The following PITPNC1 variants were observed in gnomAD, a reference collection of about 807,000 sequenced individuals.
PITPNC1 encodes phosphatidylinositol transfer protein cytoplasmic 1.
In PITPNC1, 18 loss-of-function variants were observed where a neutral mutation model predicts 44.7. The observed-to-expected ratio is 0.40, with a 90% CI of 0.28 to 0.60. The LOEUF is 0.60. Among genes scored for constraint, PITPNC1 ranks in the 20% least tolerant of loss-of-function variants. PITPNC1 has a pLI of 0.39. For missense variants in PITPNC1, 290 were observed against 418.4 expected (o/e 0.69, Z 2.68); for synonymous variants, 141 against 149.6 (o/e 0.94, Z 0.42).
chr17:67,663,429 G>C (rs756945850), intron 6 of PITPNC1, among the ~76,000 whole-genome samples: 57 of 152,178 alleles, frequency 3.7e-4, no homozygotes, highest in Admixed American at 2.7e-3. Flanking sequence ...AATTAGCCGG[G>C]CATGGTGGCA....
At chr17:67,503,408 A>G (rs17654651) in intron 1 of PITPNC1, among the ~76,000 whole-genome samples, 7,682 of 152,248 alleles carry the variant, frequency 0.05, 258 homozygotes, top group Middle Eastern at 0.11. Flanking sequence ...AGAGCTGGCA[A>G]TAGAATCCAG....
intron 8 of PITPNC1, among the ~76,000 whole-genome samples, chr17:67,680,200 C>T (rs1352583580): frequency 6.6e-6 from 1 of 152,130 alleles, no homozygotes; most frequent in South Asian, 2.1e-4. Context: ...TGCTTGTATT[C>T]GTTTATCTGG....
chr17:67,509,024 A>G (rs2144084614), intron 1 of PITPNC1, among the ~76,000 whole-genome samples: 1 of 152,032 alleles, frequency 6.6e-6, no homozygotes, highest in East Asian at 1.9e-4. Flanking sequence ...ACATGAGGTC[A>G]GGAGTTCGAG....
Position 67,695,007 on chromosome 17 carries a change from G to A in PITPNC1, c.*2119G>A, listed in dbSNP as rs1346694941. 2 of 152,152 alleles carry A rather than the reference G, an allele frequency of 1.3e-5. No homozygotes were observed. Among genetic ancestry groups the A allele is most frequent in the African/African-American group, 2.4e-5 (1 of 41,438 alleles). The allele number at this position is 152,152 out of a possible 1,614,324, so 9.4% of individuals were successfully genotyped here. On this transcript the variant is annotated 3_prime_UTR_variant, in exon 9 of 9. Coordinates refer to ENST00000581322, the MANE Select transcript of PITPNC1 (RefSeq NM_012417.4). The stretch of plus-strand genomic sequence containing the variant: ...ATCTGGCACCTAGTTTTTCCATTAA[G>A]AGCATTGCTATTTTCCCTTTTTATA...
intron 5 of PITPNC1, among the ~76,000 whole-genome samples, chr17:67,602,602 GGGGTCA>G (rs2041555649): frequency 1.3e-5 from 2 of 152,198 alleles, no homozygotes; most frequent in South Asian, 4.1e-4. Context: ...CATGAAGCCA[GGGGTCA>G]GGTGGTCTGT....
chr17:67,546,486 A>AC (rs1388204610), intron 2 of PITPNC1, among the ~76,000 whole-genome samples: 1 of 152,080 alleles, frequency 6.6e-6, no homozygotes, highest in Non-Finnish European at 1.5e-5. Context: ...ACTCATAGAA[A>AC]CAGAATGTTT....
intron 1 of PITPNC1, among the ~76,000 whole-genome samples, chr17:67,413,558 T>G (rs1239672062): frequency 6.6e-6 from 1 of 152,082 alleles, no homozygotes; most frequent in Non-Finnish European, 1.5e-5. Flanking sequence ...CCCTGAGGCC[T>G]CCTTCACCTC....
At chr17:67,673,252 G>T (rs770567364) in intron 7 of PITPNC1, among the ~76,000 whole-genome samples, 4 of 152,200 alleles carry the variant, frequency 2.6e-5, no homozygotes, top group African/African-American at 9.7e-5. Context: ...TCCACGAGAG[G>T]TTTTTCACAA....
chr17:67,457,749 A>G (rs539944646), intron 1 of PITPNC1: 4 of 149,604 alleles, frequency 2.7e-5, no homozygotes, highest in Admixed American at 6.6e-5. Context: ...TCCTGTGTGC[A>G]TGGATTCATT....
At chr17:67,684,894 T>C (rs1485685371) in intron 8 of PITPNC1, among the ~76,000 whole-genome samples, 4 of 152,236 alleles carry the variant, frequency 2.6e-5, no homozygotes, top group Admixed American at 2.6e-4. Flanking sequence ...TATCTTGACG[T>C]TGAGCTAATT....
At chr17:67,437,783 C>T (rs957146945) in intron 1 of PITPNC1, among the ~76,000 whole-genome samples, 1 of 152,080 alleles carries the variant, frequency 6.6e-6, no homozygotes, top group Non-Finnish European at 1.5e-5. Flanking sequence ...TGAAAGGGCC[C>T]AAGGCCGAGT....
intron 1 of PITPNC1, among the ~76,000 whole-genome samples, chr17:67,509,761 G>A (rs76499189): frequency 0.02 from 3,064 of 152,132 alleles, 42 homozygotes; most frequent in Non-Finnish European, 0.032. Context: ...CTTGGGGGTG[G>A]GGAGGAAGAA....
intron 1 of PITPNC1, among the ~76,000 whole-genome samples, chr17:67,388,707 A>G (rs1429737970): frequency 6.6e-6 from 1 of 150,776 alleles, no homozygotes; most frequent in Non-Finnish European, 1.5e-5. Flanking sequence ...TGCAACCTCC[A>G]CCTCTCGGGT....
In PITPNC1 at chr17:67,428,807, CATT is replaced by C. The variant is rs981571688; in HGVS notation, c.48+50607_48+50609del. ...TATGTATTTATAAACTTAAAACAAA[CATT>C]AGTTAACCATTTTTTTCTACTTGTC... On this transcript the variant is annotated intron_variant, in intron 1 of 8. Transcript: ENST00000581322. 1.7e-4 allele frequency among the ~76,000 whole-genome samples: 25 copies of C among 146,976 alleles called. 1 individual carries two copies. The highest frequency in any genetic ancestry group is 5.7e-4 in the African/African-American group (23 of 40,256).
intron 1 of PITPNC1, among the ~76,000 whole-genome samples, chr17:67,456,498 C>T (rs2039256877): frequency 6.6e-6 from 1 of 151,976 alleles, no homozygotes. Flanking sequence ...TGTTTTTTCT[C>T]CATTTCCTGT....
chr17:67,435,679 C>G (rs953945324), intron 1 of PITPNC1, among the ~76,000 whole-genome samples: 1 of 152,148 alleles, frequency 6.6e-6, no homozygotes, highest in Non-Finnish European at 1.5e-5. Context: ...TGGTGAAACC[C>G]CATCTCTACT....
intron 5 of PITPNC1, among the ~76,000 whole-genome samples, chr17:67,603,698 G>A (rs984859206): frequency 6.6e-6 from 1 of 152,204 alleles, no homozygotes; most frequent in African/African-American, 2.4e-5. Flanking sequence ...GGGAGGCTGA[G>A]GCGGACGAAT....
At chr17:67,391,114 T>C (rs2038132565) in intron 1 of PITPNC1, among the ~76,000 whole-genome samples, 1 of 150,368 alleles carries the variant, frequency 6.7e-6, no homozygotes, top group African/African-American at 2.5e-5. Flanking sequence ...GGGTGAAGTT[T>C]GACCTTCTAG....
intron 6 of PITPNC1, among the ~76,000 whole-genome samples, chr17:67,661,652 C>G (rs563675887): frequency 6.6e-6 from 1 of 152,300 alleles, no homozygotes; most frequent in East Asian, 1.9e-4. Context: ...CAGTGCAGTA[C>G]CTGGTTCTCA....
Sources: gnomAD v4.1 joint callset for allele counts (sites outside exome capture counted in the v4.1 genomes callset) on GRCh38, gnomAD v4.1.1 for gene constraint, MANE v1.5 for transcripts, NCBI Gene and HGNC (gene_info 2026-07-23, HGNC 2026-07-21) for gene names.